Variants in CIMIP2C observed in about 807,000 individuals in gnomAD.
The protein encoded by CIMIP2C is ciliary microtubule inner protein 2C, also known as UPF0573 protein C2orf70.
chr2:26,576,488 GC>G, the CIMIP2C span, among the ~76,000 whole-genome samples: 2 of 152,148 alleles, frequency 1.3e-5, no homozygotes, highest in Non-Finnish European at 2.9e-5. Context: ...CTTACCTTCT[GC>G]CCCCTGGAGT....
At chr2:26,566,309 C>T in the CIMIP2C span, among the ~76,000 whole-genome samples, 5 of 152,168 alleles carry the variant, frequency 3.3e-5, no homozygotes, top group Non-Finnish European at 7.3e-5. Context: ...AGCTGGACCT[C>T]GGAGACTTCA....
the CIMIP2C span, among the ~76,000 whole-genome samples, chr2:26,574,119 C>T: frequency 4.0e-3 from 606 of 152,286 alleles, 7 homozygotes; most frequent in East Asian, 0.048. Flanking sequence ...GAGTAGGGGA[C>T]GGAGTTACAT....
chr2:26,574,617 G>A, the CIMIP2C span, among the ~76,000 whole-genome samples: 25 of 152,224 alleles, frequency 1.6e-4, no homozygotes, highest in Non-Finnish European at 5.9e-5. Context: ...CACAGGAGGT[G>A]GCTACGGCCA....
chr2:26,571,336 C>G, the CIMIP2C span, among the ~76,000 whole-genome samples: 1 of 152,204 alleles, frequency 6.6e-6, no homozygotes, highest in African/African-American at 2.4e-5. Flanking sequence ...TGTCATGGAG[C>G]TCCTCCAGTA....
the CIMIP2C span, among the ~76,000 whole-genome samples, chr2:26,570,732 A>C: frequency 6.6e-6 from 1 of 152,194 alleles, no homozygotes; most frequent in Non-Finnish European, 1.5e-5. Context: ...GGCCCAGGGC[A>C]CCTACAGTGC....
chr2:26,575,084 T>G, the CIMIP2C span, among the ~76,000 whole-genome samples: 1 of 152,328 alleles, frequency 6.6e-6, no homozygotes, highest in African/African-American at 2.4e-5. Context: ...CAAGGATCTC[T>G]AGAGTGCCTG....
chr2:26,572,214 C>CT, the CIMIP2C span: 1 of 1,166,594 alleles, frequency 8.6e-7, no homozygotes, highest in Non-Finnish European at 1.1e-6. Flanking sequence ...ATTAGTTTTA[C>CT]TTTGACAGGT....
the CIMIP2C span, among the ~76,000 whole-genome samples, chr2:26,570,371 C>A: frequency 6.6e-6 from 1 of 152,252 alleles, no homozygotes; most frequent in African/African-American, 2.4e-5. Flanking sequence ...GACTCCAGGG[C>A]ATGGTGCCCC....
At chr2:26,562,822 G>A in the CIMIP2C span, 1 of 762,772 alleles carries the variant, frequency 1.3e-6, no homozygotes, top group Non-Finnish European at 2.2e-6. Context: ...ACGGGGCGAG[G>A]GGCCTTCCTA....
the CIMIP2C span, among the ~76,000 whole-genome samples, chr2:26,574,682 G>A: frequency 6.6e-6 from 1 of 152,236 alleles, no homozygotes; most frequent in Non-Finnish European, 1.5e-5. Context: ...GTGTTTAAGA[G>A]GCGGGCAGAG....
At chr2:26,565,434 G>C in the CIMIP2C span, among the ~76,000 whole-genome samples, 1 of 152,184 alleles carries the variant, frequency 6.6e-6, no homozygotes, top group Admixed American at 6.5e-5. Flanking sequence ...GATGAGGAAT[G>C]AGCAGCTTGC....
At chr2:26,573,659 G>A in the CIMIP2C span, among the ~76,000 whole-genome samples, 9 of 152,348 alleles carry the variant, frequency 5.9e-5, no homozygotes, top group Admixed American at 5.2e-4. Context: ...CCTGGCCTCC[G>A]CGGGGAACTC....
the CIMIP2C span, among the ~76,000 whole-genome samples, chr2:26,572,748 C>T: frequency 1.3e-5 from 2 of 152,186 alleles, no homozygotes; most frequent in Non-Finnish European, 2.9e-5. Context: ...CGGGCAGAGC[C>T]TGTCCATCTA....
chr2:26,570,435 T>C, the CIMIP2C span, among the ~76,000 whole-genome samples: 5 of 152,240 alleles, frequency 3.3e-5, no homozygotes, highest in East Asian at 9.6e-4. Context: ...GCACTTGTCA[T>C]GTGCCAGGTG....
chr2:26,563,831 A>G, the CIMIP2C span, among the ~76,000 whole-genome samples: 18 of 152,338 alleles, frequency 1.2e-4, no homozygotes, highest in African/African-American at 4.3e-4. Context: ...ATGAGAAAGT[A>G]GCAACCAGGG....
chr2:26,574,287 G>C, the CIMIP2C span, among the ~76,000 whole-genome samples: 1 of 152,254 alleles, frequency 6.6e-6, no homozygotes. Flanking sequence ...TGCAGGGGCA[G>C]GGGTCTGGTG....
the CIMIP2C span, among the ~76,000 whole-genome samples, chr2:26,565,297 G>A: frequency 1.2e-3 from 184 of 152,246 alleles, 1 homozygote; most frequent in African/African-American, 4.1e-3. Context: ...TGCCATGTTG[G>A]CCAGGCTGGT....
At chr2:26,568,073 G>A in the CIMIP2C span, among the ~76,000 whole-genome samples, 1 of 152,228 alleles carries the variant, frequency 6.6e-6, no homozygotes, top group Non-Finnish European at 1.5e-5. Flanking sequence ...TGAAGGCACA[G>A]CAGGCACTAC....
At chr2:26,572,046 A>G in the CIMIP2C span, 5 of 1,483,374 alleles carry the variant, frequency 3.4e-6, no homozygotes, top group Admixed American at 2.3e-5. Flanking sequence ...AGAGAGAGAG[A>G]GGATAAAAAC....
Sources: gnomAD v4.1 joint callset for allele counts (sites outside exome capture counted in the v4.1 genomes callset) on GRCh38, gnomAD v4.1.1 for gene constraint, MANE v1.5 for transcripts, NCBI Gene and HGNC (gene_info 2026-07-23, HGNC 2026-07-21) for gene names.